HECW2: variants seen among roughly 807,000 people sequenced by gnomAD.
HECW2 encodes the protein HECT, C2 and WW domain containing E3 ubiquitin protein ligase 2.
HECW2 carries 61 observed loss-of-function variants against 175.2 expected under a neutral mutation model. The ratio of observed to expected loss-of-function variants is 0.35; its 90% CI spans 0.28 to 0.43. The LOEUF (loss-of-function observed/expected upper bound fraction) is 0.43, where lower values mean the gene tolerates loss of function less well. HECW2 is among the 20% of genes least tolerant of loss of function. HECW2 has a pLI of 1.00. For missense variants in HECW2, 1,524 were observed against 2,000.5 expected (o/e 0.76, Z 4.54); for synonymous variants, 671 against 731.0 (o/e 0.92, Z 1.32).
intron 28 of HECW2, among the ~76,000 whole-genome samples, chr2:196,214,350 T>C (rs193261288): frequency 1.3e-5 from 2 of 152,230 alleles, no homozygotes; most frequent in Non-Finnish European, 2.9e-5. Flanking sequence ...ACATATCTGC[T>C]TACTGTTGCA....
chr2:196,214,953 C>T (rs887708839), intron 28 of HECW2, among the ~76,000 whole-genome samples: 1 of 152,122 alleles, frequency 6.6e-6, no homozygotes, highest in African/African-American at 2.4e-5. Flanking sequence ...GTCATCTATA[C>T]TTCAATTTAG....
intron 2 of HECW2, among the ~76,000 whole-genome samples, chr2:196,375,346 TCTCTAA>T (rs1052147665): frequency 6.6e-5 from 10 of 152,256 alleles, no homozygotes; most frequent in African/African-American, 2.4e-4. Context: ...TCTTAGAGCC[TCTCTAA>T]CTCTGACTGG....
At chr2:196,396,491 A>T (rs1402436342) in intron 2 of HECW2, among the ~76,000 whole-genome samples, 1 of 152,234 alleles carries the variant, frequency 6.6e-6, no homozygotes, top group African/African-American at 2.4e-5. Context: ...ATAAACAGAT[A>T]AAAACAGGCA....
Position 196,215,874 on chromosome 2 carries a change from G to A in HECW2, c.4598C>T (p.Ala1533Val). The A allele has an allele frequency of 6.2e-7, 1 of 1,604,286 alleles. No homozygotes were observed. The highest frequency in any genetic ancestry group is 8.5e-7 in the Non-Finnish European group (1 of 1,171,090). ...FCVEKWGKITALPRAHTCFNR... is the reference protein window; with the variant it reads ...FCVEKWGKITVLPRAHTCFNR... ...TTATTTTATATTTTACCTGGGAAGA[G>A]CAGTGATTTTCCCCCATTTCTCCAC... is the stretch of plus-strand genomic sequence containing the variant. The change falls in exon 28 of 29, where the codon GCT becomes GTT. Residue 1533 changes from alanine to valine, a missense_variant. Ala to Val is a moderately conservative substitution (Grantham distance 64). Transcript: ENST00000644978.
intron 2 of HECW2, among the ~76,000 whole-genome samples, chr2:196,353,760 C>A (rs1693257834): frequency 6.6e-6 from 1 of 152,180 alleles, no homozygotes; most frequent in Admixed American, 6.5e-5. Flanking sequence ...GCTTTTTAAC[C>A]AACCAAATGT....
At chr2:196,379,011 T>C (rs1694127515) in intron 2 of HECW2, among the ~76,000 whole-genome samples, 1 of 152,022 alleles carries the variant, frequency 6.6e-6, no homozygotes, top group African/African-American at 2.4e-5. Flanking sequence ...CAAGACCCTT[T>C]TGGTTAACCT....
intron 23 of HECW2, among the ~76,000 whole-genome samples, chr2:196,223,463 A>G (rs990645199): frequency 3.9e-5 from 6 of 152,200 alleles, no homozygotes; most frequent in African/African-American, 1.2e-4. Flanking sequence ...AGAAGGGGAA[A>G]GAGAAAGGAG....
chr2:196,493,557 GCAAA>G (rs1178138052), intron 1 of HECW2, among the ~76,000 whole-genome samples: 11 of 152,156 alleles, frequency 7.2e-5, no homozygotes, highest in Admixed American at 3.9e-4. Flanking sequence ...AACTCTCACA[GCAAA>G]CAAATTCAAA....
At chr2:196,462,420 T>C (rs1360821529) in intron 1 of HECW2, among the ~76,000 whole-genome samples, 1 of 152,238 alleles carries the variant, frequency 6.6e-6, no homozygotes, top group African/African-American at 2.4e-5. Flanking sequence ...TTCTATTATA[T>C]GATCAAGATG....
intron 3 of HECW2, among the ~76,000 whole-genome samples, chr2:196,340,595 CAAAAAAAAAA>C (rs3082071): frequency 1.5e-5 from 1 of 66,914 alleles, no homozygotes; most frequent in African/African-American, 6.2e-5. Context: ...GACTCCGTCT[CAAAAAAAAAA>C]AAAAAAAAAA....
intron 5 of HECW2, among the ~76,000 whole-genome samples, chr2:196,327,054 G>T (rs1208657775): frequency 6.6e-6 from 1 of 152,136 alleles, no homozygotes; most frequent in Non-Finnish European, 1.5e-5. Flanking sequence ...ACAGAAGAAT[G>T]ATATTCTTTA....
At chr2:196,438,251 A>T (rs1025210233) in intron 1 of HECW2, among the ~76,000 whole-genome samples, 2 of 152,222 alleles carry the variant, frequency 1.3e-5, no homozygotes, top group African/African-American at 2.4e-5. Context: ...AGTCCAAACC[A>T]GCACTGTCCA....
In HECW2 at chr2:196,217,107, C is replaced by A. The variant is rs866051365; in HGVS notation, c.4409-14G>T. The A allele has an allele frequency of 9.4e-6, 15 of 1,589,156 alleles. No homozygotes were observed. The highest frequency in any genetic ancestry group is 3.3e-4 in the Middle Eastern group (2 of 5,992). Reference sequence around the variant, plus strand: ...TGTCATGGTATCCTATCAAACCAATCATAAAAGCCCATGTTACTTTGACTC... The same window carrying A: ...TGTCATGGTATCCTATCAAACCAATAATAAAAGCCCATGTTACTTTGACTC... On this transcript the variant is annotated splice_polypyrimidine_tract_variant and intron_variant, in intron 26 of 28. Coordinates refer to ENST00000644978, the MANE Select transcript of HECW2 (RefSeq NM_001348768.2).
chr2:196,369,315 T>C (rs929761878), intron 2 of HECW2, among the ~76,000 whole-genome samples: 2 of 149,430 alleles, frequency 1.3e-5, no homozygotes, highest in Admixed American at 1.3e-4. Context: ...TCTTTTTCTC[T>C]TCCCTTACTC....
intron 2 of HECW2, among the ~76,000 whole-genome samples, chr2:196,397,769 CT>C (rs1694710743): frequency 6.6e-6 from 1 of 152,206 alleles, no homozygotes; most frequent in African/African-American, 2.4e-5. Context: ...TTTCCACCAA[CT>C]GTTTAGATAT....
intron 18 of HECW2, 53 bp from the exon 19 acceptor site, chr2:196,254,082 A>T (rs1688959418): frequency 6.2e-7 from 1 of 1,604,524 alleles, no homozygotes; most frequent in Non-Finnish European, 8.5e-7. Context: ...AGTGGGGAAA[A>T]GCCTAAATCC....
intron 2 of HECW2, among the ~76,000 whole-genome samples, chr2:196,423,684 T>TTGTG (rs60030164): frequency 0.011 from 1,473 of 140,032 alleles, 33 homozygotes; most frequent in African/African-American, 0.035. Flanking sequence ...TAGTATTCCA[T>TTGTG]TGTGTGTGTG....
chr2:196,336,689 C>T (rs1692562092), intron 3 of HECW2, among the ~76,000 whole-genome samples: 1 of 152,046 alleles, frequency 6.6e-6, no homozygotes, highest in South Asian at 2.1e-4. Flanking sequence ...GATAATCATG[C>T]CAACTTTGCT....
At chr2:196,423,458 C>T (rs1346383312) in intron 2 of HECW2, among the ~76,000 whole-genome samples, 1 of 152,024 alleles carries the variant, frequency 6.6e-6, no homozygotes, top group Non-Finnish European at 1.5e-5. Flanking sequence ...TGTGACGGTC[C>T]TGGGTAGTTC....
Sources: gnomAD v4.1 joint callset for allele counts (sites outside exome capture counted in the v4.1 genomes callset) on GRCh38, gnomAD v4.1.1 for gene constraint, MANE v1.5 for transcripts, NCBI Gene and HGNC (gene_info 2026-07-23, HGNC 2026-07-21) for gene names.